Variants in MAN2A1 observed in about 807,000 individuals in gnomAD.
The protein encoded by MAN2A1 is alpha-mannosidase 2.
In MAN2A1, 76 loss-of-function variants were observed where a neutral mutation model predicts 142.6. The ratio of observed to expected loss-of-function variants is 0.53; its 90% CI spans 0.44 to 0.65. The LOEUF (loss-of-function observed/expected upper bound fraction) is 0.65, where lower values mean the gene tolerates loss of function less well. MAN2A1 is among the 30% of genes least tolerant of loss of function. The pLI is 0.00. For missense variants in MAN2A1, 1,311 were observed against 1,365.1 expected (o/e 0.96, Z 0.62); for synonymous variants, 559 against 473.2 (o/e 1.18, Z -2.35).
intron 12 of MAN2A1, among the ~76,000 whole-genome samples, chr5:109,791,730 G>T (rs1003656538): frequency 6.6e-6 from 1 of 151,908 alleles, no homozygotes. Context: ...TACGTAACAG[G>T]TAAACAGTTT....
intron 7 of MAN2A1, among the ~76,000 whole-genome samples, chr5:109,771,098 A>G (rs1753133735): frequency 6.6e-6 from 1 of 152,208 alleles, no homozygotes; most frequent in Non-Finnish European, 1.5e-5. Flanking sequence ...AATAAAAATC[A>G]AAGGTATGAA....
At chr5:109,836,487 G>A (rs551711313) in intron 16 of MAN2A1, among the ~76,000 whole-genome samples, 2 of 152,270 alleles carry the variant, frequency 1.3e-5, no homozygotes, top group Non-Finnish European at 2.9e-5. Context: ...CTAAGCAACA[G>A]TTAAAAGGGT....
rs1753120991 is a variant in MAN2A1 at position 109,770,626 on chromosome 5, CT to C, written c.1196+88del. 3.4e-6 allele frequency: 4 copies of C among 1,178,652 alleles called. No individual in the cohort carries two copies. The Admixed American group carries it at 8.3e-5, about 25-fold the overall frequency. The allele number at this position is 1,178,652 out of a possible 1,614,324, so 73.0% of individuals were successfully genotyped here. On this transcript the variant is annotated intron_variant, in intron 7 of 21. Coordinates refer to ENST00000261483, the MANE Select transcript of MAN2A1 (RefSeq NM_002372.4). The stretch of plus-strand genomic sequence containing the variant: ...GTTGCTGAAGGGTTGAACAAATGGG[CT>C]TTATTAGCCAACATTATCCTTGTTT...
chr5:109,690,953 C>T (rs1750653840), intron 1 of MAN2A1, among the ~76,000 whole-genome samples: 1 of 152,184 alleles, frequency 6.6e-6, no homozygotes, highest in Non-Finnish European at 1.5e-5. Flanking sequence ...CCGCCCGCAC[C>T]AGCCCAGAGC....
chr5:109,848,009 T>C (rs890938730), intron 19 of MAN2A1, among the ~76,000 whole-genome samples: 2 of 152,216 alleles, frequency 1.3e-5, no homozygotes, highest in African/African-American at 2.4e-5. Flanking sequence ...GCTTATTATG[T>C]AGATAAAAAA....
chr5:109,721,614 C>T lies in MAN2A1; in HGVS notation c.535+5350C>T, dbSNP rs946243949. 8.5e-5 allele frequency among the ~76,000 whole-genome samples: 13 copies of T among 152,222 alleles called. No homozygotes were observed. The South Asian group carries it at 1.2e-3, about 15-fold the overall frequency. On this transcript the variant is annotated intron_variant, in intron 3 of 21. Transcript: ENST00000261483. ...AAATTGTAGCACTTGAGTTAAATGG[C>T]GCTGTATGGCTATTTAGAATTCTGT...
chr5:109,834,132 G>A (rs1755001126), intron 16 of MAN2A1, among the ~76,000 whole-genome samples: 1 of 152,172 alleles, frequency 6.6e-6, no homozygotes, highest in African/African-American at 2.4e-5. Context: ...AAAGGAGCAT[G>A]TTTGGGAAAA....
chr5:109,799,967 A>G (rs1012503297), intron 12 of MAN2A1, among the ~76,000 whole-genome samples: 1 of 151,876 alleles, frequency 6.6e-6, no homozygotes, highest in Non-Finnish European at 1.5e-5. Flanking sequence ...ATGCACCTGT[A>G]ATCCCTGCTA....
intron 18 of MAN2A1, 24 bp downstream of exon 18, chr5:109,846,030 C>A (rs1755336610): frequency 6.3e-7 from 1 of 1,577,296 alleles, no homozygotes; most frequent in African/African-American, 1.4e-5. Flanking sequence ...ACACTCTTTT[C>A]CACTCTGAAA....
At chr5:109,710,864 A>G (rs563448364) in intron 1 of MAN2A1, among the ~76,000 whole-genome samples, 18 of 152,014 alleles carry the variant, frequency 1.2e-4, no homozygotes, top group Non-Finnish European at 2.5e-4. Context: ...CTAATTTTGT[A>G]TTTTTAGTAG....
Position 109,690,526 on chromosome 5 carries a change from C to T in MAN2A1, c.109C>T (p.Pro37Ser), listed in dbSNP as rs760223353. ...GGGTCACTTAGACTACCCCAGGAAC[C>T]CGCGCCGCGAGGGCTCCTTCCCTCA... Reference protein sequence around the residue: ...DRGHLDYPRNPRREGSFPQGQ... With the variant: ...DRGHLDYPRNSRREGSFPQGQ... The change falls in exon 1 of 22, where the codon CCG becomes TCG. Residue 37 changes from proline to serine, a missense_variant. By Grantham distance (74) the Pro-to-Ser change is moderately conservative (BLOSUM62 -1). Coordinates refer to ENST00000261483, the MANE Select transcript of MAN2A1 (RefSeq NM_002372.4). The T allele has an allele frequency of 1.9e-6, 3 of 1,610,964 alleles. No individual in the cohort carries two copies. Among genetic ancestry groups the T allele is most frequent in the Non-Finnish European group, 2.5e-6 (3 of 1,178,534 alleles).
rs112852975 is a variant in MAN2A1 at position 109,697,396 on chromosome 5, A to C, written c.135+6844A>C. Among the ~76,000 whole-genome samples the C allele has an allele frequency of 1.0e-3, 154 of 152,266 alleles. 1 individual carries two copies. The highest frequency in any genetic ancestry group is 1.5e-3 in the Non-Finnish European group (102 of 68,026). On this transcript the variant is annotated intron_variant, in intron 1 of 21. Coordinates refer to ENST00000261483, the MANE Select transcript of MAN2A1 (RefSeq NM_002372.4). ...GTCCTCTAAATAGCATTTTTTACGA[A>C]AGTGGGGTGGAGGTGGGAGGTTAGG...
At chr5:109,791,259 G>A (rs1753730767) in intron 12 of MAN2A1, among the ~76,000 whole-genome samples, 1 of 151,704 alleles carries the variant, frequency 6.6e-6, no homozygotes, top group Non-Finnish European at 1.5e-5. Flanking sequence ...ATTCTTATTT[G>A]TTTTTATGCT....
chr5:109,799,131 C>T (rs17162263), intron 12 of MAN2A1, among the ~76,000 whole-genome samples: 11,625 of 152,188 alleles, frequency 0.076, 514 homozygotes, highest in African/African-American at 0.13. Context: ...CATTTGTTGG[C>T]GGAGTTTAAT....
chr5:109,814,346 T>A (rs987702406), intron 12 of MAN2A1, among the ~76,000 whole-genome samples: 1 of 152,210 alleles, frequency 6.6e-6, no homozygotes, highest in South Asian at 2.1e-4. Context: ...TAACAAATGT[T>A]TGACTACCAA....
rs149662365 is a variant in MAN2A1 at position 109,729,397 on chromosome 5, T to A, written c.591T>A (p.Asn197Lys). ...GAGACAAGACTCAGTATATTTTTAA[T>A]AACATGGTCCTAAAGCTGAAAGAAG... ...YFRDKTQYIF[N>K]NMVLKLKEDS... The change falls in exon 4 of 22, where the codon AAT (asparagine) becomes AAA (lysine). Residue 197 changes from asparagine (N) to lysine (K), a missense_variant. Asn to Lys is a moderately conservative substitution (Grantham distance 94). Around this residue, in one of 3 missense-constraint regions of MAN2A1, gnomAD observed 409 missense variants for 412.7 expected, o/e 0.99. Coordinates refer to ENST00000261483, the MANE Select transcript of MAN2A1 (RefSeq NM_002372.4). The A allele has an allele frequency of 2.1e-4, 345 of 1,605,546 alleles. No individual in the cohort carries two copies. The highest frequency in any genetic ancestry group is 2.7e-4 in the Non-Finnish European group (313 of 1,176,478).
intron 16 of MAN2A1, among the ~76,000 whole-genome samples, chr5:109,839,157 T>G (rs1380223795): frequency 1.3e-5 from 2 of 152,238 alleles, no homozygotes; most frequent in Non-Finnish European, 2.9e-5. Context: ...TAGTATTACG[T>G]GAATACTATC....
chr5:109,762,924 A>C (rs1032403106), intron 5 of MAN2A1, among the ~76,000 whole-genome samples: 5 of 152,250 alleles, frequency 3.3e-5, no homozygotes, highest in African/African-American at 1.2e-4. Flanking sequence ...TATTCTGATG[A>C]GCAAAGCAGA....
chr5:109,792,127 C>T (rs1393046860), intron 12 of MAN2A1, among the ~76,000 whole-genome samples: 5 of 152,004 alleles, frequency 3.3e-5, no homozygotes, highest in African/African-American at 7.2e-5. Context: ...TTTAATGGTT[C>T]TCCCTGGATG....
Sources: gnomAD v4.1 joint callset for allele counts (sites outside exome capture counted in the v4.1 genomes callset) on GRCh38, gnomAD v4.1.1 for gene constraint, gnomAD v4.1.1 regional missense constraint, MANE v1.5 for transcripts, NCBI Gene and HGNC (gene_info 2026-07-23, HGNC 2026-07-21) for gene names.